FYB1: variants seen among roughly 807,000 people sequenced by gnomAD.
The protein encoded by FYB1 is FYN binding protein 1.
A neutral mutation model predicts 94.1 loss-of-function variants in FYB1; 41 were observed. That is an observed-to-expected ratio of 0.44 (90% confidence interval 0.34 to 0.57). The LOEUF is 0.57. Among genes scored for constraint, FYB1 ranks in the 20% least tolerant of loss-of-function variants. The pLI is 0.02. For synonymous variants in FYB1, 367 were observed against 353.2 expected (o/e 1.04, Z -0.44); for missense variants, 1,050 against 976.8 (o/e 1.07, Z -1.00).
chr5:39,140,832 T>C (rs1331429254), intron 4 of FYB1, among the ~76,000 whole-genome samples: 9 of 152,206 alleles, frequency 5.9e-5, no homozygotes, highest in Admixed American at 5.2e-4. Context: ...GTGAACTAAA[T>C]ACATGCATAC....
At chr5:39,228,119 T>C (rs566608855) in intron 1 of FYB1, among the ~76,000 whole-genome samples, 10 of 152,242 alleles carry the variant, frequency 6.6e-5, no homozygotes, top group Admixed American at 6.5e-4. Flanking sequence ...TAATATTATT[T>C]CCACCTTCTA....
At chr5:39,266,155 G>A (rs1301279297) in intron 1 of FYB1, among the ~76,000 whole-genome samples, 2 of 152,166 alleles carry the variant, frequency 1.3e-5, no homozygotes, top group East Asian at 1.9e-4. Context: ...GGACTGTAAA[G>A]TGAGCTGATC....
chr5:39,124,924 C>CACAT (rs1554021586), intron 12 of FYB1, among the ~76,000 whole-genome samples: 1 of 150,418 alleles, frequency 6.6e-6, no homozygotes, highest in African/African-American at 2.4e-5. Flanking sequence ...TCCACACACA[C>CACAT]ACACACACAC....
rs754704993 is a variant in FYB1, at chr5:39,201,982, C to G, written c.979G>C (p.Gly327Arg). The change falls in exon 2 of 19, where the codon GGC (glycine) becomes CGC (arginine). Residue 327 changes from glycine (G) to arginine (R), a missense_variant. Gly to Arg is a moderately radical substitution (Grantham distance 125, BLOSUM62 -2). Coordinates refer to ENST00000512982, the MANE Select transcript of FYB1 (RefSeq NM_001465.6). ...CCCTTTTCCTTTTCCTGACTTTGGC[C>G]CCATGGCCCCCCCACTGTCAGCTTA... Reference protein sequence around the residue: ...PSKLTVGGPWGQSQEKEKGDK... With the variant: ...PSKLTVGGPWRQSQEKEKGDK... The G allele has an allele frequency of 1.2e-6, 2 of 1,614,014 alleles. No individual in the cohort carries two copies. Among genetic ancestry groups the G allele is most frequent in the Non-Finnish European group, 1.7e-6 (2 of 1,179,902 alleles).
At chr5:39,196,411 T>A (rs1209500895) in intron 2 of FYB1, among the ~76,000 whole-genome samples, 1 of 152,112 alleles carries the variant, frequency 6.6e-6, no homozygotes, top group Non-Finnish European at 1.5e-5. Flanking sequence ...GCCAGGCTGG[T>A]CTTGAACTCC....
intron 1 of FYB1, chr5:39,250,655 G>T (rs1207965047): frequency 1.3e-5 from 2 of 152,100 alleles, no homozygotes; most frequent in Non-Finnish European, 2.9e-5. Context: ...GACAATTAGG[G>T]TCCTTTGAAT....
intron 7 of FYB1, 130 bp downstream of exon 7, chr5:39,137,470 G>C (rs1741769883): frequency 9.3e-7 from 1 of 1,073,484 alleles, no homozygotes; most frequent in South Asian, 1.7e-5. Context: ...CTGTTATGAA[G>C]ATAATTACTC....
chr5:39,111,163 G>C (rs1739039824), intron 16 of FYB1, among the ~76,000 whole-genome samples: 1 of 151,816 alleles, frequency 6.6e-6, no homozygotes, highest in East Asian at 1.9e-4. Flanking sequence ...AGGAAAAATA[G>C]GAACTATTTT....
At chr5:39,185,568 GTA>G (rs1393267707) in intron 2 of FYB1, among the ~76,000 whole-genome samples, 1 of 132,652 alleles carries the variant, frequency 7.5e-6, no homozygotes, top group African/African-American at 3.5e-5. Context: ...TTGTGTGTGT[GTA>G]TATATATACA....
rs2303803 is a variant in FYB1, at chr5:39,138,589, T to A, written c.1394+68A>T. On this transcript the variant is annotated intron_variant, in intron 6 of 18. Transcript: ENST00000512982. ...CCTCCTAGTGTTGTTATATACCCAC[T>A]CTCCCTCATACAAAACATTATATTC... 3.6e-4 allele frequency: 315 copies of A among 882,512 alleles called. 2 individuals are homozygous for A. In the East Asian group the frequency reaches 7.5e-3, roughly 21 times the overall value. The allele number at this position is 882,512 out of a possible 1,614,324, so 54.7% of individuals were successfully genotyped here. A position where few individuals can be genotyped will look rare whatever the true frequency, so the allele number is the denominator to read the frequency against.
intron 2 of FYB1, among the ~76,000 whole-genome samples, chr5:39,190,476 C>T (rs1481601215): frequency 6.6e-6 from 1 of 152,058 alleles, no homozygotes; most frequent in Non-Finnish European, 1.5e-5. Flanking sequence ...CTGGTAGGTA[C>T]AGACCTAGTG....
chr5:39,194,357 C>T (rs972709232), intron 2 of FYB1, among the ~76,000 whole-genome samples: 10 of 151,864 alleles, frequency 6.6e-5, no homozygotes, highest in Non-Finnish European at 1.3e-4. Context: ...TCTGTCTCTA[C>T]AAAAAATTTA....
intron 1 of FYB1, among the ~76,000 whole-genome samples, chr5:39,268,616 G>A (rs1237256517): frequency 1.3e-5 from 2 of 151,966 alleles, no homozygotes; most frequent in South Asian, 2.1e-4. Flanking sequence ...GCCCAGGCTG[G>A]AGTGCAATGG....
At chr5:39,137,811 A>G in intron 6 of FYB1, 91 bp from the exon 7 acceptor site, 1 of 1,500,892 alleles carries the variant, frequency 6.7e-7, no homozygotes, top group African/African-American at 1.4e-5. Context: ...ACAACAGAAA[A>G]GGTGGTATCT....
chr5:39,255,407 TC>T (rs1488191215), intron 1 of FYB1, among the ~76,000 whole-genome samples: 3 of 150,578 alleles, frequency 2.0e-5, no homozygotes, highest in Non-Finnish European at 1.5e-5. Flanking sequence ...CTTTATCACA[TC>T]TCTCCATTTA....
At chr5:39,125,474 G>C (rs1011318003) in intron 12 of FYB1, among the ~76,000 whole-genome samples, 2 of 152,116 alleles carry the variant, frequency 1.3e-5, no homozygotes, top group South Asian at 4.1e-4. Flanking sequence ...TATCATTAGA[G>C]TGTAATATAG....
chr5:39,272,127 C>A (rs942550421), intron 1 of FYB1, among the ~76,000 whole-genome samples: 1 of 152,076 alleles, frequency 6.6e-6, no homozygotes, highest in Admixed American at 6.6e-5. Flanking sequence ...AGGCTTCACC[C>A]CAGGTTATTA....
intron 14 of FYB1, among the ~76,000 whole-genome samples, chr5:39,120,564 G>T (rs930030358): frequency 2.0e-5 from 3 of 152,032 alleles, no homozygotes; most frequent in African/African-American, 4.8e-5. Flanking sequence ...CAAGGTCCAG[G>T]TAGTGCTAGA....
At chr5:39,107,496 G>A (rs1347178921) in intron 18 of FYB1, 31 bp from the exon 19 acceptor site, 2 of 1,433,952 alleles carry the variant, frequency 1.4e-6, no homozygotes, top group Non-Finnish European at 1.9e-6. Context: ...TTTAAATATA[G>A]TTATTAAAAA....
Sources: gnomAD v4.1 joint callset for allele counts (sites outside exome capture counted in the v4.1 genomes callset) on GRCh38, gnomAD v4.1.1 for gene constraint, MANE v1.5 for transcripts, NCBI Gene and HGNC (gene_info 2026-07-23, HGNC 2026-07-21) for gene names.